The following RNF19A variants were observed in gnomAD, a reference collection of about 807,000 sequenced individuals.
RNF19A encodes the protein ring finger protein 19A, RBR E3 ubiquitin protein ligase, also known as E3 ubiquitin-protein ligase RNF19A.
RNF19A carries 32 observed loss-of-function variants against 75.7 expected under a neutral mutation model. That is an observed-to-expected ratio of 0.42 (90% CI 0.32 to 0.57). The LOEUF is 0.57. RNF19A is among the 20% of genes least tolerant of loss of function. The pLI is 0.10. For synonymous variants in RNF19A, 335 were observed against 345.2 expected (o/e 0.97, Z 0.33); for missense variants, 782 against 1,036.3 (o/e 0.75, Z 3.37).
chr8:100,273,742 A>C (rs1009866386), intron 3 of RNF19A, among the ~76,000 whole-genome samples: 1 of 152,150 alleles, frequency 6.6e-6, no homozygotes, highest in African/African-American at 2.4e-5. Context: ...TATTTCAACT[A>C]TATGGACATA....
Position 100,260,385 on chromosome 8 carries a change from C to G in RNF19A, c.1683-388G>C, listed in dbSNP as rs905062314. On this transcript the variant is annotated intron_variant, in intron 8 of 9. Coordinates refer to ENST00000341084, the MANE Select transcript of RNF19A (RefSeq NM_183419.4). This position sits in a 1 kb window ranked among gnomAD's most constrained non-coding sequence, Gnocchi z 4.1. ...CAATGAATCCAAAAATCCTGGGCAT[C>G]TATATTAAAAAATGACTCTATAAAT... 2.6e-5 allele frequency among the ~76,000 whole-genome samples: 4 copies of G among 152,116 alleles called. No homozygotes were observed. Among genetic ancestry groups the G allele is most frequent in the Non-Finnish European group, 5.9e-5 (4 of 68,018 alleles).
At chr8:100,265,412 T>C (rs1660322) in intron 5 of RNF19A, among the ~76,000 whole-genome samples, 38,487 of 151,996 alleles carry the variant, frequency 0.25, 5,446 homozygotes, top group East Asian at 0.36. Context: ...GAAGACAGGA[T>C]TGAATTCACT....
chr8:100,329,984 A>C lies in RNF19A; in HGVS notation c.-243+6124T>G, dbSNP rs41528948. On this transcript the variant is annotated intron_variant, in intron 1 of 3. Coordinates refer to the RNF19A transcript ENST00000519527. The surrounding 1 kb of genome is among the most constrained non-coding windows in gnomAD (Gnocchi z 4.3). ...ATGTTCAAGTAGAGCTTAGATGGTC[A>C]TGTAAGGGATCCTAATTTGTTTTTT... Among the ~76,000 whole-genome samples the C allele has an allele frequency of 0.029, 4,443 of 152,294 alleles. 199 individuals carry two copies. Among genetic ancestry groups the C allele is most frequent in the African/African-American group, 0.1 (4,178 of 41,538 alleles).
intron 3 of RNF19A, among the ~76,000 whole-genome samples, chr8:100,271,575 A>G (rs1820257665): frequency 6.6e-6 from 1 of 152,222 alleles, no homozygotes; most frequent in African/African-American, 2.4e-5. Flanking sequence ...ACAAACTGAA[A>G]GGTAACATCC....
intron 1 of RNF19A, among the ~76,000 whole-genome samples, chr8:100,301,197 G>A (rs1345938348): frequency 7.2e-5 from 11 of 152,182 alleles, no homozygotes; most frequent in Admixed American, 6.5e-4. Context: ...GGACTGAACA[G>A]GTCTAGAACA....
chr8:100,260,131 TATTTA>T lies in RNF19A; in HGVS notation c.1683-139_1683-135del. ...GGAACCATTATTTTTTATTTCCTTT[TATTTA>T]ATTTAAATTCTACTGCAGCACACTG... On this transcript the variant is annotated intron_variant, in intron 8 of 9. Transcript: ENST00000341084. The surrounding 1 kb of genome is among the most constrained non-coding windows in gnomAD (Gnocchi z 4.1). The T allele has an allele frequency of 2.6e-6, 2 of 761,258 alleles. No homozygotes were observed. Among genetic ancestry groups the T allele is most frequent in the South Asian group, 1.9e-5 (1 of 53,948 alleles). 47.2% of individuals were successfully genotyped at this position (761,258 alleles called of 1,614,324 possible).
At chr8:100,293,748 G>A (rs892807925) in intron 1 of RNF19A, among the ~76,000 whole-genome samples, 12 of 152,064 alleles carry the variant, frequency 7.9e-5, no homozygotes, top group Non-Finnish European at 1.6e-4. Flanking sequence ...ATGTCAGTTT[G>A]ATTTTTGTCC....
Position 100,261,473 on chromosome 8 carries a change from C to A in RNF19A, c.1682+69G>T. 7.7e-7 allele frequency: 1 copy of A among 1,299,762 alleles called. No homozygotes were observed. Among genetic ancestry groups the A allele is most frequent in the South Asian group, 1.2e-5 (1 of 83,270 alleles). The allele number at this position is 1,299,762 out of a possible 1,614,324, so 80.5% of individuals were successfully genotyped here. On this transcript the variant is annotated intron_variant, in intron 8 of 9. Coordinates refer to ENST00000341084, the MANE Select transcript of RNF19A (RefSeq NM_183419.4). The surrounding 1 kb of genome is among the most constrained non-coding windows in gnomAD (Gnocchi z 4.4). ...ATATATAATCATCATGCTTTATGTT[C>A]AAAATTCTCACCTAATTAATAATTT...
Position 100,284,480 on chromosome 8 carries a change from A to G in RNF19A, c.674+3021T>C, listed in dbSNP as rs1236047867. 1.3e-5 allele frequency among the ~76,000 whole-genome samples: 2 copies of G among 152,170 alleles called. No individual in the cohort carries two copies. The highest frequency in any genetic ancestry group is 1.3e-4 in the Admixed American group (2 of 15,286). ...TTTTCCTCTGTCCTTTGTGGGTAAG[A>G]CTATGACAACCAATAACACCAAAAA... On this transcript the variant is annotated intron_variant, in intron 2 of 9. Transcript: ENST00000341084. The surrounding 1 kb of genome is among the most constrained non-coding windows in gnomAD (Gnocchi z 4.3).
At chr8:100,309,643 G>C in intron 1 of RNF19A, 7 of 926,164 alleles carry the variant, frequency 7.6e-6, no homozygotes, top group Non-Finnish European at 9.0e-6. Flanking sequence ...GGGCCGGGTA[G>C]GGGACCCGGA....
chr8:100,331,675 A>C lies in RNF19A; in HGVS notation c.-243+4433T>G, dbSNP rs115746827. Among the ~76,000 whole-genome samples the C allele has an allele frequency of 0.014, 2,081 of 152,252 alleles. 45 individuals are homozygous for C. Among genetic ancestry groups the C allele is most frequent in the African/African-American group, 0.046 (1,906 of 41,532 alleles). On this transcript the variant is annotated intron_variant, in intron 1 of 3. Transcript: ENST00000519527. The surrounding 1 kb of genome is among the most constrained non-coding windows in gnomAD (Gnocchi z 5.2). The stretch of plus-strand genomic sequence containing the variant: ...AACCAGATATACGGCGCAAAATTTG[A>C]AAGGAATAAAAGGGTAGAGTGAAAG...
intron 3 of RNF19A, 43 bp downstream of exon 3, chr8:100,274,909 GT>G: frequency 6.7e-7 from 1 of 1,482,362 alleles, no homozygotes; most frequent in Middle Eastern, 2.2e-4. Flanking sequence ...AATAACTAGT[GT>G]TTTGTGTCAA....
chr8:100,281,483 A>G (rs908699222), intron 2 of RNF19A, among the ~76,000 whole-genome samples: 4 of 152,214 alleles, frequency 2.6e-5, no homozygotes, highest in Non-Finnish European at 4.4e-5. Context: ...TATACTATTG[A>G]TAACATCAAG....
intron 1 of RNF19A, among the ~76,000 whole-genome samples, chr8:100,290,476 A>AAACTC (rs1469713201): frequency 6.6e-6 from 1 of 152,182 alleles, no homozygotes; most frequent in Non-Finnish European, 1.5e-5. Flanking sequence ...CACGACCCAG[A>AAACTC]AACTCATGAT....
chr8:100,329,458 A>C lies in RNF19A; in HGVS notation c.-243+6650T>G, dbSNP rs918722112. ...CAAAACAAAACAAAACAAACAAACA[A>C]ACAAAAAAAGTCAGTGAATCTTAGG... On this transcript the variant is annotated intron_variant, in intron 1 of 3. Coordinates refer to the RNF19A transcript ENST00000519527. The surrounding 1 kb of genome is among the most constrained non-coding windows in gnomAD (Gnocchi z 4.3). Among the ~76,000 whole-genome samples the C allele has an allele frequency of 1.3e-5, 2 of 152,158 alleles. No individual in the cohort carries two copies. The highest frequency in any genetic ancestry group is 1.5e-5 in the Non-Finnish European group (1 of 68,014).
At chr8:100,320,577 C>A (rs971440977) in intron 1 of RNF19A, among the ~76,000 whole-genome samples, 1 of 152,158 alleles carries the variant, frequency 6.6e-6, no homozygotes, top group Admixed American at 6.5e-5. Flanking sequence ...ATTCTCAGAG[C>A]CCTTCCAGTA....
intron 1 of RNF19A, among the ~76,000 whole-genome samples, chr8:100,316,814 T>C (rs1822384481): frequency 6.6e-6 from 1 of 152,186 alleles, no homozygotes; most frequent in African/African-American, 2.4e-5. Context: ...TTGGCTGCCG[T>C]GGAGCAGGGG....
intron 1 of RNF19A, among the ~76,000 whole-genome samples, chr8:100,295,715 A>T (rs1563859362): frequency 6.6e-6 from 1 of 152,232 alleles, no homozygotes; most frequent in African/African-American, 2.4e-5. Flanking sequence ...TCCTTTGATC[A>T]GACTATAACT....
At chr8:100,299,763 TAAAAAAAAGA>T (rs1242997857) in intron 1 of RNF19A, among the ~76,000 whole-genome samples, 1 of 149,032 alleles carries the variant, frequency 6.7e-6, no homozygotes, top group Admixed American at 6.7e-5. Context: ...TGTCTCAAAA[TAAAAAAAAGA>T]AAAAAAAAAG....
Sources: gnomAD v4.1 joint callset for allele counts (sites outside exome capture counted in the v4.1 genomes callset) on GRCh38, gnomAD v4.1.1 for gene constraint, Gnocchi (gnomAD v3.1) non-coding constraint, MANE v1.5 for transcripts, NCBI Gene and HGNC (gene_info 2026-07-23, HGNC 2026-07-21) for gene names.